CRISP1: variants seen among roughly 807,000 people sequenced by gnomAD.
CRISP1 encodes cysteine-rich secretory protein 1.
In CRISP1, 44 loss-of-function variants were observed where a neutral mutation model predicts 33.1. That is an observed-to-expected ratio of 1.33 (90% confidence interval 1.05 to 1.71). The LOEUF (loss-of-function observed/expected upper bound fraction) is 1.71, where lower values mean the gene tolerates loss of function less well. Ranked by LOEUF, CRISP1 falls within the 40% of genes most tolerant of loss-of-function variation. The probability of loss-of-function intolerance (pLI) is 0.00; values close to 1 mark genes in which losing one functional copy is unlikely to be tolerated. For synonymous variants in CRISP1, 103 were observed against 98.7 expected (o/e 1.04, Z -0.26); for missense variants, 390 against 301.2 (o/e 1.29, Z -2.18).
Position 49,838,440 on chromosome 6 carries a change from A to T in CRISP1, c.619T>A (p.Cys207Ser), listed in dbSNP as rs1770875533. ...AACAGAATGCAAACAAACTTACTGC[A>T]AAGTTTGTCTTCACAGTTACTTGGG... is the stretch of plus-strand genomic sequence containing the variant. Reference protein sequence around the residue: ...ACPSNCEDKLCTNPCIYYDEY... With the variant: ...ACPSNCEDKLSTNPCIYYDEY... The change falls in exon 7 of 8, where the codon TGC becomes AGC. Residue 207 changes from cysteine (C) to serine (S), a missense_variant. Coordinates refer to ENST00000335847, the MANE Select transcript of CRISP1 (RefSeq NM_001131.3). 2 of 1,608,944 alleles carry T rather than the reference A, an allele frequency of 1.2e-6. No homozygotes were observed. Among genetic ancestry groups the T allele is most frequent in the Non-Finnish European group, 1.7e-6 (2 of 1,176,398 alleles).
intron 1 of CRISP1, among the ~76,000 whole-genome samples, chr6:49,872,270 G>C (rs1296322987): frequency 1.3e-5 from 2 of 151,654 alleles, no homozygotes; most frequent in African/African-American, 4.8e-5. Context: ...TTGTAAATTT[G>C]TTTGAGTTCA....
intron 1 of CRISP1, among the ~76,000 whole-genome samples, chr6:49,857,686 C>G (rs1329214577): frequency 6.6e-6 from 1 of 152,116 alleles, no homozygotes; most frequent in African/African-American, 2.4e-5. Context: ...AGATGGAATT[C>G]AAACTTCTAA....
At chr6:49,863,498 G>A (rs1561949882) in intron 1 of CRISP1, among the ~76,000 whole-genome samples, 1 of 151,820 alleles carries the variant, frequency 6.6e-6, no homozygotes, top group Non-Finnish European at 1.5e-5. Context: ...TACACAGATG[G>A]CAATCTTAAG....
rs1295105454 is a variant in CRISP1, at chr6:49,860,467, A to C, written c.-2-3065T>G. Among the ~76,000 whole-genome samples, 4 of 152,276 alleles carry C rather than the reference A, an allele frequency of 2.6e-5. No individual in the cohort carries two copies. The East Asian group carries it at 7.7e-4, about 29-fold the overall frequency. ...AAACTAGAAATCAATAACAAGAGGA[A>C]ATTTGGAAACTGTAAAAAATGTAGA... On this transcript the variant is annotated intron_variant, in intron 1 of 7. Coordinates refer to ENST00000335847, the MANE Select transcript of CRISP1 (RefSeq NM_001131.3).
At chr6:49,873,577 A>G (rs567456202) in intron 1 of CRISP1, among the ~76,000 whole-genome samples, 5 of 152,090 alleles carry the variant, frequency 3.3e-5, no homozygotes, top group Admixed American at 6.6e-5. Flanking sequence ...CTTAATTTTG[A>G]TAATTAAAAA....
At chr6:49,874,586 T>C (rs1771993944) in intron 1 of CRISP1, among the ~76,000 whole-genome samples, 1 of 151,972 alleles carries the variant, frequency 6.6e-6, no homozygotes, top group African/African-American at 2.4e-5. Flanking sequence ...AAAAATTTGG[T>C]AGAGATACAG....
chr6:49,841,131 T>C (rs1770973487), intron 5 of CRISP1, 136 bp from the exon 6 acceptor site: 1 of 732,912 alleles, frequency 1.4e-6, no homozygotes. Context: ...TAAGAAGTCA[T>C]AGAAACAAAA....
At chr6:49,853,848 T>G (rs1445233758) in intron 2 of CRISP1, among the ~76,000 whole-genome samples, 1 of 152,170 alleles carries the variant, frequency 6.6e-6, no homozygotes, top group Non-Finnish European at 1.5e-5. Flanking sequence ...AGACTGACAA[T>G]TCTCCTGCCT....
intron 6 of CRISP1, among the ~76,000 whole-genome samples, chr6:49,840,373 A>C (rs531003168): frequency 8.5e-5 from 13 of 152,284 alleles, no homozygotes; most frequent in Admixed American, 2.6e-4. Context: ...TGTATATTTA[A>C]TTTTTAAAGA....
chr6:49,838,048 G>A (rs1770860514), intron 7 of CRISP1, among the ~76,000 whole-genome samples: 1 of 152,164 alleles, frequency 6.6e-6, no homozygotes, highest in African/African-American at 2.4e-5. Context: ...TAGTCATGGA[G>A]GGGCAAGCAA....
At chr6:49,864,061 T>C (rs1771730505) in intron 1 of CRISP1, among the ~76,000 whole-genome samples, 1 of 152,180 alleles carries the variant, frequency 6.6e-6, no homozygotes, top group African/African-American at 2.4e-5. Context: ...CCTTTCAGTC[T>C]GAAGCCCTCA....
At position 49,835,068 on chromosome 6, in the gene CRISP1, C is replaced by G. The variant is rs1237614970; in HGVS notation, c.*248G>C. On this transcript the variant is annotated 3_prime_UTR_variant, in exon 8 of 8. Coordinates refer to ENST00000335847, the MANE Select transcript of CRISP1 (RefSeq NM_001131.3). ...CAGTTATACCATAAGTTGAATTATG[C>G]CAACTTAAAAACTATAAATCACATG... 5.8e-6 allele frequency: 2 copies of G among 342,914 alleles called. No homozygotes were observed. The highest frequency in any genetic ancestry group is 1.1e-5 in the Non-Finnish European group (2 of 190,398). 21.2% of individuals were successfully genotyped at this position (342,914 alleles called of 1,614,324 possible). A position where few individuals can be genotyped will look rare whatever the true frequency, so the allele number is the denominator to read the frequency against.
rs369704985 is a variant in CRISP1, at chr6:49,835,279, A to G, written c.*37T>C. On this transcript the variant is annotated 3_prime_UTR_variant, in exon 8 of 8. Coordinates refer to ENST00000335847, the MANE Select transcript of CRISP1 (RefSeq NM_001131.3). Reference sequence around the variant, plus strand: ...TGAATCCAACAGACATCTCCTCCTCATCGTCACAGCATAGAACAGTTGAAA... The same window carrying G: ...TGAATCCAACAGACATCTCCTCCTCGTCGTCACAGCATAGAACAGTTGAAA... 1 of 1,602,526 alleles carries G rather than the reference A, an allele frequency of 6.2e-7. No homozygotes were observed. Among genetic ancestry groups the G allele is most frequent in the African/African-American group, 1.3e-5 (1 of 74,646 alleles).
intron 1 of CRISP1, among the ~76,000 whole-genome samples, chr6:49,872,406 T>G (rs972204477): frequency 6.6e-6 from 1 of 152,134 alleles, no homozygotes; most frequent in Non-Finnish European, 1.5e-5. Context: ...TTAGTTTAAT[T>G]AGATCCCATT....
chr6:49,841,826 G>A (rs1345615878), intron 5 of CRISP1, among the ~76,000 whole-genome samples: 1 of 152,094 alleles, frequency 6.6e-6, no homozygotes, highest in Non-Finnish European at 1.5e-5. Flanking sequence ...ATGCCTCTGA[G>A]TTTCATTTTC....
intron 2 of CRISP1, among the ~76,000 whole-genome samples, chr6:49,853,910 C>T (rs1264253147): frequency 6.6e-6 from 1 of 152,182 alleles, no homozygotes; most frequent in African/African-American, 2.4e-5. Flanking sequence ...CAAAACAACA[C>T]ATATCTGCAT....
chr6:49,835,042 C>T lies in CRISP1; in HGVS notation c.*274G>A, dbSNP rs868667130. On this transcript the variant is annotated 3_prime_UTR_variant, in exon 8 of 8. Transcript: ENST00000335847. ...TTAGCCCAGGTTACTGTTGAGGGAC[C>T]CAGTTATACCATAAGTTGAATTATG... 3 of 265,678 alleles carry T rather than the reference C, an allele frequency of 1.1e-5. No individual in the cohort carries two copies. Among genetic ancestry groups the T allele is most frequent in the African/African-American group, 6.6e-5 (3 of 45,182 alleles). The allele number at this position is 265,678 out of a possible 1,614,324, so 16.5% of individuals were successfully genotyped here. A position where few individuals can be genotyped will look rare whatever the true frequency, so the allele number is the denominator to read the frequency against.
chr6:49,851,794 C>A (rs577979002), intron 3 of CRISP1, among the ~76,000 whole-genome samples: 1 of 152,134 alleles, frequency 6.6e-6, no homozygotes, highest in Non-Finnish European at 1.5e-5. Flanking sequence ...AGGAATGAAG[C>A]TAGACTGGCT....
chr6:49,870,110 C>T (rs947510326), upstream of CRISP1, among the ~76,000 whole-genome samples: 3 of 152,144 alleles, frequency 2.0e-5, no homozygotes, highest in African/African-American at 7.2e-5. Context: ...ACAGGCCAAA[C>T]AGACTAAGAA....
Sources: allele counts gnomAD v4.1 joint callset (sites outside exome capture counted in the v4.1 genomes callset), GRCh38; gene constraint gnomAD v4.1.1; transcripts MANE v1.5; gene names NCBI Gene and HGNC (gene_info 2026-07-23, HGNC 2026-07-21).